The following SPAG17 variants were observed in gnomAD, a reference collection of about 807,000 sequenced individuals.
SPAG17 encodes sperm associated antigen 17.
A neutral mutation model predicts 273.6 loss-of-function variants in SPAG17; 169 were observed. The observed-to-expected ratio is 0.62, with a 90% CI of 0.55 to 0.70. The LOEUF is 0.70. Ranked by LOEUF, SPAG17 falls within the 30% of genes least tolerant of loss-of-function variation. SPAG17 has a pLI of 0.00. For synonymous variants in SPAG17, 825 were observed against 873.2 expected (o/e 0.94, Z 0.97); for missense variants, 2,557 against 2,627.8 (o/e 0.97, Z 0.59).
chr1:118,165,320 C>T (rs958002349), intron 1 of SPAG17, among the ~76,000 whole-genome samples: 3 of 152,206 alleles, frequency 2.0e-5, no homozygotes, highest in East Asian at 1.9e-4. Flanking sequence ...CCCACTTGGG[C>T]GCCCCTCTCT....
intron 30 of SPAG17, 51 bp downstream of exon 30, chr1:118,012,177 T>TA: frequency 6.4e-7 from 1 of 1,560,814 alleles, no homozygotes; most frequent in Middle Eastern, 2.0e-4. Context: ...CTATCTAACT[T>TA]ACGCTAAAGA....
intron 47 of SPAG17, 51 bp downstream of exon 47, chr1:117,966,558 G>A (rs779168355): frequency 1.1e-5 from 16 of 1,414,886 alleles, no homozygotes; most frequent in Middle Eastern, 1.9e-4. Context: ...TTCCTCACTC[G>A]TGTAATTTCT....
At chr1:118,063,536 AGAAAGCT>A (rs1652586673) in intron 18 of SPAG17, among the ~76,000 whole-genome samples, 1 of 152,228 alleles carries the variant, frequency 6.6e-6, no homozygotes, top group African/African-American at 2.4e-5. Flanking sequence ...AGCCATATGT[AGAAAGCT>A]GAAACTGGAT....
chr1:118,118,553 C>T (rs1657226518), intron 3 of SPAG17, among the ~76,000 whole-genome samples: 1 of 152,222 alleles, frequency 6.6e-6, no homozygotes, highest in East Asian at 1.9e-4. Context: ...AAGCACGAGT[C>T]TTAACGGGCA....
At chr1:118,028,819 T>TG (rs1648085564) in intron 25 of SPAG17, among the ~76,000 whole-genome samples, 1 of 152,050 alleles carries the variant, frequency 6.6e-6, no homozygotes, top group East Asian at 1.9e-4. Context: ...GTATTAAAGG[T>TG]GGGGCAGTTT....
chr1:118,133,089 C>T (rs1445259048), intron 3 of SPAG17, among the ~76,000 whole-genome samples: 3 of 152,106 alleles, frequency 2.0e-5, no homozygotes, highest in Admixed American at 2.0e-4. Context: ...CATTTTCTAA[C>T]CCTTCGCTGA....
intron 30 of SPAG17, among the ~76,000 whole-genome samples, chr1:118,011,352 C>A (rs1275138823): frequency 1.3e-5 from 2 of 152,178 alleles, no homozygotes; most frequent in African/African-American, 4.8e-5. Flanking sequence ...CTGGAGTAAG[C>A]AAATGGCATA....
chr1:118,165,610 TAAC>T (rs1292471465), intron 1 of SPAG17, among the ~76,000 whole-genome samples: 2 of 149,126 alleles, frequency 1.3e-5, no homozygotes, highest in Non-Finnish European at 3.0e-5. Context: ...ACAGTTACAG[TAAC>T]AACAAGTGTA....
intron 36 of SPAG17, 34 bp downstream of exon 36, chr1:117,992,432 A>T: frequency 6.5e-7 from 1 of 1,532,556 alleles, no homozygotes; most frequent in African/African-American, 1.4e-5. Flanking sequence ...TCTGTTTCTG[A>T]TTCTTTTGGG....
At chr1:118,045,652 T>C (rs1650269508) in intron 20 of SPAG17, among the ~76,000 whole-genome samples, 1 of 152,094 alleles carries the variant, frequency 6.6e-6, no homozygotes. Context: ...CCCAAGGAGG[T>C]GATTGTGGAA....
Position 117,990,901 on chromosome 1 carries a change from G to T in SPAG17, c.5481C>A (p.Phe1827Leu). ...TTTTTGTAGTTTCCTCCATTTTAGG[G>T]AAAGACTGAAATGAAGATAGAATTA... The part of the protein sequence containing the change: ...AADLLKLVMS[F>L]PKMEETTKSH... Residue 1827 changes from phenylalanine to leucine, a missense_variant, in exon 38 of 49, where the codon TTC becomes TTA. Transcript: ENST00000336338. The T allele has an allele frequency of 6.4e-7, 1 of 1,554,892 alleles. No homozygotes were observed. Among genetic ancestry groups the T allele is most frequent in the East Asian group, 2.3e-5 (1 of 42,856 alleles).
At position 118,185,175 on chromosome 1, in the gene SPAG17, C is replaced by A. The variant is rs1164737971; in HGVS notation, c.-18G>T. ...GGTGCCATGCAAAGGACGGGAGAAG[C>A]ATTGGCCTCTAAACTGGGCGCAGGC... On this transcript the variant is annotated 5_prime_UTR_variant, in exon 1 of 49. An upstream start codon of the reference 5' UTR is lost. Coordinates refer to ENST00000336338, the MANE Select transcript of SPAG17 (RefSeq NM_206996.4). The A allele has an allele frequency of 6.2e-7, 1 of 1,602,096 alleles. No homozygotes were observed. Among genetic ancestry groups the A allele is most frequent in the Admixed American group, 1.7e-5 (1 of 60,014 alleles).
At chr1:118,058,332 C>T (rs1025225634) in intron 18 of SPAG17, among the ~76,000 whole-genome samples, 2 of 152,118 alleles carry the variant, frequency 1.3e-5, no homozygotes, top group African/African-American at 2.4e-5. Flanking sequence ...CTCAGACTCC[C>T]AAGTAGCTGG....
In SPAG17 at chr1:117,953,599, A is replaced by G. The variant is rs1029761595; in HGVS notation, c.*451T>C. On this transcript the variant is annotated 3_prime_UTR_variant, in exon 49 of 49. Transcript: ENST00000336338. ...TTAATAAGATCTCAACTTTTTAGTA[A>G]AAGTTTTATTCTGTATCAACCAGAA... 6 of 1,571,888 alleles carry G rather than the reference A, an allele frequency of 3.8e-6. No homozygotes were observed. The highest frequency in any genetic ancestry group is 5.2e-6 in the Non-Finnish European group (6 of 1,154,486).
At chr1:118,074,729 T>G (rs1213978485) in intron 15 of SPAG17, 129 bp from the exon 16 acceptor site, 1 of 785,642 alleles carries the variant, frequency 1.3e-6, no homozygotes, top group Admixed American at 2.4e-5. Flanking sequence ...CTGAAAGGCA[T>G]GTTTTGTGCC....
chr1:118,147,951 G>T (rs1659125148), intron 3 of SPAG17, among the ~76,000 whole-genome samples: 1 of 152,142 alleles, frequency 6.6e-6, no homozygotes, highest in Non-Finnish European at 1.5e-5. Context: ...TTAAAATTGT[G>T]TTTAAAATAA....
At position 117,983,921 on chromosome 1, in the gene SPAG17, G is replaced by GA. The variant is rs201461739; in HGVS notation, c.5770-9dup. 9.6e-4 allele frequency: 1,442 copies of GA among 1,501,526 alleles called. 2 individuals carry two copies. Among genetic ancestry groups the GA allele is most frequent in the Admixed American group, 2.1e-3 (114 of 53,282 alleles). 93.0% of individuals were successfully genotyped at this position (1,501,526 alleles called of 1,614,324 possible). A position where few individuals can be genotyped will look rare whatever the true frequency, so the allele number is the denominator to read the frequency against. ...ACTGTCCAGGTGATTATACTGAAAG[G>GA]AAAAAAAAACTTATTTTAGACTTAT... is the stretch of plus-strand genomic sequence containing the variant. On this transcript the variant is annotated splice_polypyrimidine_tract_variant and intron_variant, in intron 41 of 48. Coordinates refer to ENST00000336338, the MANE Select transcript of SPAG17 (RefSeq NM_206996.4).
intron 12 of SPAG17, 26 bp downstream of exon 12, chr1:118,086,645 C>A (rs769203897): frequency 6.2e-7 from 1 of 1,600,056 alleles, no homozygotes; most frequent in African/African-American, 1.3e-5. Context: ...CATCGGTTTT[C>A]CTTGGGCTAA....
intron 1 of SPAG17, among the ~76,000 whole-genome samples, chr1:118,153,953 G>A (rs1659521215): frequency 6.6e-6 from 1 of 152,136 alleles, no homozygotes; most frequent in Admixed American, 6.5e-5. Context: ...GATCAAAGAG[G>A]TTAAAGAAAT....
Sources: gnomAD v4.1 joint callset for allele counts (sites outside exome capture counted in the v4.1 genomes callset) on GRCh38, gnomAD v4.1.1 for gene constraint, MANE v1.5 for transcripts, NCBI Gene and HGNC (gene_info 2026-07-23, HGNC 2026-07-21) for gene names.